Variants in MYH13 observed in about 807,000 individuals in gnomAD.
MYH13 encodes the protein myosin heavy chain 13.
In MYH13, 177 loss-of-function variants were observed where a neutral mutation model predicts 232.1. That is an observed-to-expected ratio of 0.76 (90% CI 0.67 to 0.86). The LOEUF (loss-of-function observed/expected upper bound fraction) is 0.86. Ranked by LOEUF, MYH13 falls within the 40% of genes least tolerant of loss-of-function variation. The probability of loss-of-function intolerance (pLI) is 0.00; values close to 1 mark genes in which losing one functional copy is unlikely to be tolerated. For synonymous variants in MYH13, 884 were observed against 923.5 expected (o/e 0.96, Z 0.78); for missense variants, 2,246 against 2,405.9 (o/e 0.93, Z 1.39).
chr17:10,305,472 C>T (rs1041120872), intron 37 of MYH13, among the ~76,000 whole-genome samples: 2 of 152,190 alleles, frequency 1.3e-5, no homozygotes, highest in Admixed American at 1.3e-4. Context: ...AATCCTTTCA[C>T]ATTTAATGGG....
intron 33 of MYH13, 113 bp from the exon 34 acceptor site, chr17:10,309,943 T>C (rs924967729): frequency 2.1e-6 from 2 of 955,794 alleles, no homozygotes; most frequent in Non-Finnish European, 2.9e-6. Flanking sequence ...AAATTAAATT[T>C]AAATTTTTTT....
chr17:10,345,013 G>A (rs530241103), intron 15 of MYH13, among the ~76,000 whole-genome samples, 189 bp downstream of exon 15: 24 of 152,150 alleles, frequency 1.6e-4, no homozygotes, highest in South Asian at 4.2e-4. Context: ...TTAATGACCC[G>A]TAAACCTCTT....
At position 10,315,784 on chromosome 17, in the gene MYH13, T is replaced by C. The variant is rs1309729045; in HGVS notation, c.3893A>G (p.Lys1298Arg). Reference protein sequence around the residue: ...NGELSHRVEEKESLISQLTKS... With the variant: ...NGELSHRVEERESLISQLTKS... ...GGTCAGCTGTGAAATCAGAGACTCCTTCTCTTCCACTCGGTGGCTCAGCTC... is the reference window on the plus strand; with the variant it reads ...GGTCAGCTGTGAAATCAGAGACTCCCTCTCTTCCACTCGGTGGCTCAGCTC... Residue 1298 changes from lysine to arginine, a missense_variant, in exon 29 of 41, where the codon AAG becomes AGG. Coordinates refer to ENST00000252172, the MANE Select transcript of MYH13 (RefSeq NM_003802.3). 9 of 1,613,834 alleles carry C rather than the reference T, an allele frequency of 5.6e-6. No homozygotes were observed. In the East Asian group the frequency reaches 2.0e-4, roughly 36 times the overall value.
chr17:10,322,656 G>GC (rs1907000830), intron 23 of MYH13, among the ~76,000 whole-genome samples: 1 of 132,832 alleles, frequency 7.5e-6, no homozygotes, highest in Non-Finnish European at 1.6e-5. Context: ...TTTTTTGAGA[G>GC]GGAGTCTCAC....
intron 28 of MYH13, 44 bp from the exon 29 acceptor site, chr17:10,315,855 C>G (rs1300463798): frequency 6.2e-7 from 1 of 1,613,950 alleles, no homozygotes; most frequent in Admixed American, 1.7e-5. Context: ...ACTGACCACC[C>G]TCTCCCATGG....
chr17:10,352,574 C>T (rs572881560), intron 11 of MYH13, among the ~76,000 whole-genome samples: 3 of 150,894 alleles, frequency 2.0e-5, no homozygotes, highest in South Asian at 4.3e-4. Flanking sequence ...GGGGACAGAG[C>T]GAGACTCCAT....
chr17:10,341,044 T>G (rs930736172), intron 16 of MYH13: 1 of 151,548 alleles, frequency 6.6e-6, no homozygotes, highest in African/African-American at 2.4e-5. Context: ...TTTTTGTTGT[T>G]GTTGTTTGTT....
At chr17:10,323,038 T>C (rs1323073431) in intron 23 of MYH13, among the ~76,000 whole-genome samples, 1 of 152,174 alleles carries the variant, frequency 6.6e-6, no homozygotes, top group Non-Finnish European at 1.5e-5. Context: ...CCCTGCTGTG[T>C]TATCTACTAC....
In MYH13 at chr17:10,306,450, A is replaced by T. The variant is rs761575312; in HGVS notation, c.5466+9T>A. ...ACTTTCAGAGTAACAGTCCTCTCAA[A>T]AACTCTACCCGGTTCTCCAGTTTCT... On this transcript the variant is annotated intron_variant, in intron 37 of 40. Transcript: ENST00000252172. This position sits in a 1 kb window ranked among gnomAD's most constrained non-coding sequence, Gnocchi z 4.3. 1.2e-6 allele frequency: 2 copies of T among 1,613,904 alleles called. No individual in the cohort carries two copies. Among genetic ancestry groups the T allele is most frequent in the African/African-American group, 2.7e-5 (2 of 74,852 alleles).
At chr17:10,338,628 A>G (rs2071593969) in intron 18 of MYH13, among the ~76,000 whole-genome samples, 1 of 151,802 alleles carries the variant, frequency 6.6e-6, no homozygotes, top group Non-Finnish European at 1.5e-5. Flanking sequence ...AAAGTGAGTA[A>G]CCACTTTATG....
At chr17:10,327,757 G>C (rs1907263997) in intron 22 of MYH13, 109 bp downstream of exon 22, 2 of 1,378,796 alleles carry the variant, frequency 1.5e-6, no homozygotes, top group Non-Finnish European at 2.0e-6. Context: ...ATGACCACTG[G>C]GTGGCACCAC....
At chr17:10,349,357 C>T (rs544324363) in intron 12 of MYH13, among the ~76,000 whole-genome samples, 19 of 152,066 alleles carry the variant, frequency 1.2e-4, no homozygotes, top group African/African-American at 4.1e-4. Context: ...ACCTCGGCCT[C>T]CCAAAGTGCT....
At chr17:10,323,787 A>AAGAAG (rs60692569) in intron 23 of MYH13, among the ~76,000 whole-genome samples, 1 of 66,742 alleles carries the variant, frequency 1.5e-5, no homozygotes. Context: ...AAAAAAAAAA[A>AAGAAG]AAGAAGAAGA....
At chr17:10,312,133 T>G (rs957367174) in intron 31 of MYH13, 57 bp from the exon 32 acceptor site, 16 of 1,592,986 alleles carry the variant, frequency 1.0e-5, no homozygotes, top group Non-Finnish European at 1.4e-5. Flanking sequence ...CTCAGAAGAG[T>G]TCATGCAAAC....
chr17:10,367,807 T>C (rs1253456563), intron 2 of MYH13, among the ~76,000 whole-genome samples: 1 of 152,196 alleles, frequency 6.6e-6, no homozygotes, highest in African/African-American at 2.4e-5. Flanking sequence ...TGCTGTATGT[T>C]TGGTGAAAGT....
chr17:10,349,027 C>G (rs918396236), intron 12 of MYH13, among the ~76,000 whole-genome samples: 5 of 150,824 alleles, frequency 3.3e-5, no homozygotes, highest in Non-Finnish European at 7.4e-5. Context: ...CCTTCCTTCT[C>G]CCTTCCTTCT....
rs773447811 is a variant in MYH13 at position 10,318,851 on chromosome 17, CT to C, written c.3676del (p.Ser1226AlafsTer3). The C allele has an allele frequency of 6.2e-7, 1 of 1,614,144 alleles. No homozygotes were observed. The highest frequency in any genetic ancestry group is 8.5e-7 in the Non-Finnish European group (1 of 1,180,038). On this transcript the variant is annotated frameshift_variant, in exon 27 of 41. Transcript: ENST00000252172. LOFTEE classifies it high-confidence loss of function. ...RVKQKLEKEK[S>X]ELKMEIDDMA... is the part of the protein sequence containing the mutation. Reference sequence around the variant, plus strand: ...GTCGTCAATCTCCATCTTCAGCTCGCTCTTCTCCTTCTCCAGCTTCTGCTTC... The same window carrying C: ...GTCGTCAATCTCCATCTTCAGCTCGCCTTCTCCTTCTCCAGCTTCTGCTTC...
Position 10,306,649 on chromosome 17 carries a change from AC to A in MYH13, c.5296-21del, listed in dbSNP as rs1457915316. 1 of 1,613,536 alleles carries A rather than the reference AC, an allele frequency of 6.2e-7. No homozygotes were observed. The highest frequency in any genetic ancestry group is 1.1e-5 in the South Asian group (1 of 91,038). The stretch of plus-strand genomic sequence containing the variant: ...GGCAGCCTGGTTAAGTTCACAGGAC[AC>A]ATCAGAGGCCCTGTCCGCCCATCCC... On this transcript the variant is annotated intron_variant, in intron 36 of 40. Coordinates refer to ENST00000252172, the MANE Select transcript of MYH13 (RefSeq NM_003802.3). This position sits in a 1 kb window ranked among gnomAD's most constrained non-coding sequence, Gnocchi z 4.3.
chr17:10,309,139 C>T (rs1467221873), intron 35 of MYH13, 95 bp downstream of exon 35: 44 of 1,305,036 alleles, frequency 3.4e-5, no homozygotes, highest in Non-Finnish European at 4.0e-5. Flanking sequence ...ACGGCGTGGG[C>T]CCTGAGTGGA....
Sources: gnomAD v4.1 joint callset for allele counts (sites outside exome capture counted in the v4.1 genomes callset) on GRCh38, gnomAD v4.1.1 for gene constraint, Gnocchi (gnomAD v3.1) non-coding constraint, MANE v1.5 for transcripts, NCBI Gene and HGNC (gene_info 2026-07-23, HGNC 2026-07-21) for gene names.